Variants in XYLT1 observed in about 807,000 individuals in gnomAD.
The protein encoded by XYLT1 is xylosyltransferase 1, also known as beta-D-xylosyltransferase 1.
In XYLT1, 36 loss-of-function variants were observed where a neutral mutation model predicts 91.3. That is an observed-to-expected ratio of 0.39 (90% CI 0.30 to 0.52). XYLT1 has a LOEUF of 0.52. Ranked by LOEUF, XYLT1 falls within the 20% of genes least tolerant of loss-of-function variation. The pLI, the probability that XYLT1 is intolerant of heterozygous loss-of-function variation, is 0.68. For synonymous variants in XYLT1, 588 were observed against 532.0 expected (o/e 1.11, Z -1.45); for missense variants, 1,242 against 1,284.5 (o/e 0.97, Z 0.51).
At chr16:17,432,557 A>G (rs1246465254) in intron 1 of XYLT1, among the ~76,000 whole-genome samples, 1 of 152,222 alleles carries the variant, frequency 6.6e-6, no homozygotes, top group Non-Finnish European at 1.5e-5. Flanking sequence ...GAGTCTTATC[A>G]GGGTTATGAA....
intron 1 of XYLT1, among the ~76,000 whole-genome samples, chr16:17,463,161 G>A (rs1483219231): frequency 6.6e-6 from 1 of 151,662 alleles, no homozygotes; most frequent in African/African-American, 2.4e-5. Flanking sequence ...ACTTCAGGAC[G>A]CTGAGCAAGA....
At chr16:17,409,880 G>A (rs964956299) in intron 1 of XYLT1, among the ~76,000 whole-genome samples, 10 of 152,070 alleles carry the variant, frequency 6.6e-5, no homozygotes, top group Non-Finnish European at 8.8e-5. Context: ...GTGTATGACC[G>A]AGTTTTATGG....
At chr16:17,160,733 C>A (rs965797448) in intron 5 of XYLT1, among the ~76,000 whole-genome samples, 1 of 152,152 alleles carries the variant, frequency 6.6e-6, no homozygotes, top group Non-Finnish European at 1.5e-5. Flanking sequence ...TGGTTAAACC[C>A]CATCGTGCAT....
chr16:17,221,485 T>A (rs2032967180), intron 3 of XYLT1, among the ~76,000 whole-genome samples: 1 of 152,170 alleles, frequency 6.6e-6, no homozygotes, highest in Non-Finnish European at 1.5e-5. Flanking sequence ...TTATATAGCA[T>A]AACCAAGATC....
chr16:17,128,984 A>G (rs1486002990), intron 9 of XYLT1, among the ~76,000 whole-genome samples: 1 of 148,056 alleles, frequency 6.8e-6, no homozygotes. Context: ...TTTATGTCCA[A>G]TTATAACAGT....
chr16:17,215,375 C>T (rs1479885870), intron 3 of XYLT1, among the ~76,000 whole-genome samples: 3 of 152,094 alleles, frequency 2.0e-5, no homozygotes, highest in African/African-American at 2.4e-5. Context: ...AAATGAAGTC[C>T]TAAGGGTGGA....
Position 17,134,583 on chromosome 16 carries a change from G to A in XYLT1, c.1917C>T (p.Asp639=), listed in dbSNP as rs769324855. The change falls in exon 9 of 12, where the codon GAC becomes GAT. Residue 639 remains aspartate (D), a synonymous_variant. Transcript: ENST00000261381. The part of the protein sequence containing the change: ...SYWENVYDEP[D]GIHSLSDVTL... The stretch of plus-strand genomic sequence containing the variant: ...TCACGTCGCTCAGGCTGTGGATGCC[G>A]TCAGGCTCATCGTAGACATTCTCCC... 5.0e-5 allele frequency: 80 copies of A among 1,614,056 alleles called. No individual in the cohort carries two copies. Among genetic ancestry groups the A allele is most frequent in the African/African-American group, 2.1e-4 (16 of 74,904 alleles).
chr16:17,154,869 G>C (rs1231432249), intron 6 of XYLT1, among the ~76,000 whole-genome samples: 1 of 152,162 alleles, frequency 6.6e-6, no homozygotes, highest in Non-Finnish European at 1.5e-5. Flanking sequence ...ATTAAAAACC[G>C]AGGCACCCCG....
At chr16:17,469,801 T>A (rs4238650) in intron 1 of XYLT1, among the ~76,000 whole-genome samples, 1 of 151,982 alleles carries the variant, frequency 6.6e-6, no homozygotes, top group Admixed American at 6.5e-5. Context: ...ACAGAGGGCA[T>A]GGGAGACGGC....
intron 3 of XYLT1, among the ~76,000 whole-genome samples, chr16:17,253,093 A>C (rs1377271273): frequency 6.6e-6 from 1 of 152,220 alleles, no homozygotes; most frequent in East Asian, 1.9e-4. Context: ...CAGAAAGGGA[A>C]CACAATCCCC....
At chr16:17,414,323 C>T (rs1418771089) in intron 1 of XYLT1, among the ~76,000 whole-genome samples, 2 of 152,004 alleles carry the variant, frequency 1.3e-5, no homozygotes, top group Non-Finnish European at 2.9e-5. Flanking sequence ...ATTTGGTGGG[C>T]TTCATTTATT....
intron 2 of XYLT1, among the ~76,000 whole-genome samples, chr16:17,337,834 G>C (rs559420303): frequency 1.4e-5 from 2 of 146,194 alleles, no homozygotes; most frequent in South Asian, 4.3e-4. Context: ...AGGCTGGAGC[G>C]CAGTGACGCC....
rs2035804671 is a variant in XYLT1 at position 17,390,601 on chromosome 16, CA to C, written c.364-32552del. Reference sequence around the variant, plus strand: ...CCAACCCCCATCTTGCCTTTACCTCCAAACCGCTCATGATCATTCCTGGGCT... The same window carrying C: ...CCAACCCCCATCTTGCCTTTACCTCCAACCGCTCATGATCATTCCTGGGCT... On this transcript the variant is annotated intron_variant, in intron 1 of 11. Transcript: ENST00000261381. Among the ~76,000 whole-genome samples the C allele has an allele frequency of 2.0e-5, 3 of 152,362 alleles. No homozygotes were observed. The South Asian group carries it at 6.2e-4, about 32-fold the overall frequency.
chr16:17,291,429 GCCCAC>G (rs2034224835), intron 2 of XYLT1, among the ~76,000 whole-genome samples: 1 of 152,200 alleles, frequency 6.6e-6, no homozygotes, highest in Non-Finnish European at 1.5e-5. Flanking sequence ...CAGGGGTCCT[GCCCAC>G]TGTTACCCAC....
chr16:17,111,459 G>A (rs1966840665), intron 11 of XYLT1, among the ~76,000 whole-genome samples: 1 of 152,158 alleles, frequency 6.6e-6, no homozygotes, highest in African/African-American at 2.4e-5. Context: ...CAGGCTTTGC[G>A]AGAGCTGAGA....
intron 2 of XYLT1, among the ~76,000 whole-genome samples, chr16:17,322,703 C>G (rs1260979662): frequency 2.6e-5 from 4 of 152,174 alleles, no homozygotes; most frequent in Non-Finnish European, 5.9e-5. Flanking sequence ...CCCTCCTAGC[C>G]CTGCCAACTC....
intron 10 of XYLT1, among the ~76,000 whole-genome samples, chr16:17,122,504 A>G (rs1373887327): frequency 6.6e-6 from 1 of 152,172 alleles, no homozygotes; most frequent in Non-Finnish European, 1.5e-5. Context: ...TGTTGGATCT[A>G]CAGATTGCAA....
At chr16:17,381,426 T>TA (rs2035679377) in intron 1 of XYLT1, among the ~76,000 whole-genome samples, 1 of 77,622 alleles carries the variant, frequency 1.3e-5, no homozygotes, top group African/African-American at 3.5e-5. Flanking sequence ...AACACCTTTT[T>TA]TTTTTTTTTT....
intron 2 of XYLT1, chr16:17,338,513 A>G (rs1476085601): frequency 2.2e-6 from 1 of 456,270 alleles, no homozygotes; most frequent in Admixed American, 2.4e-5. Flanking sequence ...TGCTCCATGA[A>G]TATTGTATTT....
Sources: allele counts gnomAD v4.1 joint callset (sites outside exome capture counted in the v4.1 genomes callset), GRCh38; gene constraint gnomAD v4.1.1; transcripts MANE v1.5; gene names NCBI Gene and HGNC (gene_info 2026-07-23, HGNC 2026-07-21).